Variants in NEGR1 observed in about 807,000 individuals in gnomAD.
The protein encoded by NEGR1 is neuronal growth regulator 1.
In NEGR1, 10 loss-of-function variants were observed where a neutral mutation model predicts 40.9. The observed-to-expected ratio is 0.24, with a 90% CI of 0.15 to 0.42. The LOEUF (loss-of-function observed/expected upper bound fraction) is 0.42. Ranked by LOEUF, NEGR1 falls within the 10% of genes least tolerant of loss-of-function variation. The pLI, the probability that NEGR1 is intolerant of heterozygous loss-of-function variation, is 1.00. For synonymous variants in NEGR1, 185 were observed against 166.8 expected (o/e 1.11, Z -0.84); for missense variants, 352 against 438.9 (o/e 0.80, Z 1.77).
chr1:72,208,921 G>T (rs1653502019), intron 1 of NEGR1, among the ~76,000 whole-genome samples: 1 of 151,366 alleles, frequency 6.6e-6, no homozygotes, highest in African/African-American at 2.4e-5. Context: ...AAAAGAATGG[G>T]TGATTCATCA....
intron 3 of NEGR1, among the ~76,000 whole-genome samples, chr1:71,751,044 A>G (rs1393552940): frequency 6.6e-6 from 1 of 151,898 alleles, no homozygotes; most frequent in Non-Finnish European, 1.5e-5. Context: ...GGGTGAGAAT[A>G]TAGTAAAATA....
chr1:72,023,253 T>C (rs543440143), intron 1 of NEGR1, among the ~76,000 whole-genome samples: 1 of 152,156 alleles, frequency 6.6e-6, no homozygotes, highest in Non-Finnish European at 1.5e-5. Context: ...GCAGTGGTGA[T>C]TGTGGTGGTA....
intron 1 of NEGR1, among the ~76,000 whole-genome samples, chr1:72,115,687 G>GTATT (rs1649554102): frequency 6.6e-6 from 1 of 151,654 alleles, no homozygotes; most frequent in Admixed American, 6.6e-5. Flanking sequence ...AGCTCTCCAG[G>GTATT]TATTTAGTGG....
At chr1:72,188,877 C>A (rs1652710106) in intron 1 of NEGR1, among the ~76,000 whole-genome samples, 2 of 151,538 alleles carry the variant, frequency 1.3e-5, no homozygotes, top group Non-Finnish European at 3.0e-5. Flanking sequence ...ATAGCCAGCT[C>A]TGGATTGCAG....
chr1:71,679,411 T>C (rs1452912064), intron 4 of NEGR1, among the ~76,000 whole-genome samples: 1 of 152,192 alleles, frequency 6.6e-6, no homozygotes. Context: ...CTTAAATTCA[T>C]TTTAATAATC....
intron 6 of NEGR1, among the ~76,000 whole-genome samples, chr1:71,532,516 T>C (rs370552996): frequency 1.3e-5 from 2 of 151,636 alleles, no homozygotes; most frequent in East Asian, 3.9e-4. Context: ...TACCAAGCCA[T>C]AGTAAATAGT....
At chr1:71,630,229 A>G (rs1650926924) in intron 4 of NEGR1, among the ~76,000 whole-genome samples, 2 of 152,108 alleles carry the variant, frequency 1.3e-5, no homozygotes, top group African/African-American at 4.8e-5. Context: ...TGTAAACTGC[A>G]GGATATGATT....
intron 1 of NEGR1, among the ~76,000 whole-genome samples, chr1:72,182,606 T>C (rs1652423695): frequency 6.6e-6 from 1 of 152,110 alleles, no homozygotes; most frequent in Non-Finnish European, 1.5e-5. Context: ...AGGAAGTATA[T>C]ACCCAAATAA....
intron 4 of NEGR1, among the ~76,000 whole-genome samples, chr1:71,680,746 A>G (rs1652812221): frequency 6.6e-6 from 1 of 152,204 alleles, no homozygotes; most frequent in Non-Finnish European, 1.5e-5. Context: ...AGCCTGCTTC[A>G]TCCCACAGAT....
intron 6 of NEGR1, among the ~76,000 whole-genome samples, chr1:71,440,843 T>G (rs774530222): frequency 1.3e-5 from 2 of 152,226 alleles, no homozygotes; most frequent in Non-Finnish European, 2.9e-5. Flanking sequence ...GTGTCTGGGT[T>G]TAGATCAGTC....
chr1:71,597,392 T>G (rs1430687062), intron 5 of NEGR1, among the ~76,000 whole-genome samples: 1 of 149,568 alleles, frequency 6.7e-6, no homozygotes, highest in South Asian at 2.1e-4. Context: ...ATAATGCCTT[T>G]CTCAAGGATG....
chr1:71,943,152 A>T (rs1471468035), intron 1 of NEGR1, among the ~76,000 whole-genome samples: 22 of 142,210 alleles, frequency 1.5e-4, no homozygotes, highest in Admixed American at 1.4e-3. Flanking sequence ...TATATATATA[A>T]AACAAACTTA....
chr1:72,000,185 T>C (rs1220681961), intron 1 of NEGR1, among the ~76,000 whole-genome samples: 4 of 152,132 alleles, frequency 2.6e-5, no homozygotes, highest in Non-Finnish European at 5.9e-5. Flanking sequence ...GTTTTTTCTA[T>C]AAGCTTCCTT....
At chr1:71,523,183 T>G (rs1229769782) in intron 6 of NEGR1, among the ~76,000 whole-genome samples, 1 of 151,770 alleles carries the variant, frequency 6.6e-6, no homozygotes, top group Non-Finnish European at 1.5e-5. Context: ...GTTGTTGGGT[T>G]GTTGTGAGGA....
At chr1:71,914,181 AAG>A (rs1661507350) in intron 2 of NEGR1, among the ~76,000 whole-genome samples, 1 of 152,170 alleles carries the variant, frequency 6.6e-6, no homozygotes, top group Admixed American at 6.5e-5. Flanking sequence ...ATATTCTGAG[AAG>A]ACACAGAGGA....
At chr1:72,000,825 T>G (rs1646550615) in intron 1 of NEGR1, among the ~76,000 whole-genome samples, 1 of 152,060 alleles carries the variant, frequency 6.6e-6, no homozygotes, top group South Asian at 2.1e-4. Context: ...ATAGTCAAAA[T>G]GAAAGAGGAA....
chr1:72,096,013 A>C (rs1188109262), intron 1 of NEGR1, among the ~76,000 whole-genome samples: 1 of 152,042 alleles, frequency 6.6e-6, no homozygotes, highest in Non-Finnish European at 1.5e-5. Flanking sequence ...ATGATTCTTA[A>C]AGTATGATAA....
chr1:72,154,393 A>G (rs1242245170), intron 1 of NEGR1, among the ~76,000 whole-genome samples: 1 of 151,966 alleles, frequency 6.6e-6, no homozygotes, highest in Non-Finnish European at 1.5e-5. Context: ...GTGTTCTCAG[A>G]ACCTCTTCCA....
intron 1 of NEGR1, among the ~76,000 whole-genome samples, chr1:72,120,434 A>C (rs1649753264): frequency 6.6e-6 from 1 of 152,058 alleles, no homozygotes; most frequent in African/African-American, 2.4e-5. Flanking sequence ...ATTAAGGATG[A>C]AATTAGCCAC....
Sources: allele counts gnomAD v4.1 joint callset (sites outside exome capture counted in the v4.1 genomes callset), GRCh38; gene constraint gnomAD v4.1.1; transcripts MANE v1.5; gene names NCBI Gene and HGNC (gene_info 2026-07-23, HGNC 2026-07-21).